The following KBTBD12 variants were observed in gnomAD, a reference collection of about 807,000 sequenced individuals.
KBTBD12 encodes kelch repeat and BTB domain-containing protein 12.
Under a neutral mutation model 58.7 loss-of-function variants are expected in KBTBD12, and 53 were observed. The ratio of observed to expected loss-of-function variants is 0.90; its 90% CI spans 0.72 to 1.14. The LOEUF is 1.14. KBTBD12 is among the 50% of genes most tolerant of loss of function. The pLI is 0.00. For missense variants in KBTBD12, 704 were observed against 751.3 expected (o/e 0.94, Z 0.74); for synonymous variants, 236 against 259.8 (o/e 0.91, Z 0.88).
rs555842663 is a variant in KBTBD12, at chr3:127,977,625, C to T, written c.1691-6472C>T. 8.5e-4 allele frequency among the ~76,000 whole-genome samples: 130 copies of T among 152,116 alleles called. 1 individual carries two copies. The highest frequency in any genetic ancestry group is 1.4e-3 in the Non-Finnish European group (92 of 68,030). ...ATATGCTTGTTGGCCGTGTGTATGT[C>T]TTCTTTTGAAAAGTGTCTGTTCGTG... On this transcript the variant is annotated intron_variant, in intron 5 of 5. Transcript: ENST00000405109.
intron 4 of KBTBD12, among the ~76,000 whole-genome samples, chr3:127,937,281 AAG>A (rs1315539820): frequency 6.6e-6 from 1 of 152,214 alleles, no homozygotes; most frequent in African/African-American, 2.4e-5. Flanking sequence ...AAAGAAATAA[AAG>A]AATAAAATTT....
chr3:127,918,440 C>T (rs570191976), intron 1 of KBTBD12, among the ~76,000 whole-genome samples: 2 of 152,046 alleles, frequency 1.3e-5, no homozygotes, highest in East Asian at 1.9e-4. Context: ...TAGCCAGGCG[C>T]GGTGGCTCAC....
Position 127,923,685 on chromosome 3 carries a change from G to A in KBTBD12, c.624G>A (p.Leu208=). The change falls in exon 2 of 6, where the codon TTG becomes TTA. Residue 208 remains leucine, a synonymous_variant. Transcript: ENST00000405109. ...GATGGGTAAATCATAACAAAGAATT[G>A]CGTACAGTGCATCTTGTTGAGCTTT... ...VLRWVNHNKE[L]RTVHLVELLK... 6.2e-7 allele frequency: 1 copy of A among 1,613,824 alleles called. No individual in the cohort carries two copies. The highest frequency in any genetic ancestry group is 8.5e-7 in the Non-Finnish European group (1 of 1,179,818).
chr3:127,935,401 A>G (rs1939807185), intron 4 of KBTBD12, among the ~76,000 whole-genome samples: 1 of 152,164 alleles, frequency 6.6e-6, no homozygotes, highest in Non-Finnish European at 1.5e-5. Flanking sequence ...AAAATAGAGG[A>G]TGATAAAGTA....
intron 4 of KBTBD12, among the ~76,000 whole-genome samples, chr3:127,956,192 C>T (rs1279226301): frequency 1.3e-5 from 2 of 152,094 alleles, no homozygotes; most frequent in Admixed American, 6.6e-5. Flanking sequence ...GGGTTTTAAA[C>T]CTTTATTATC....
intron 5 of KBTBD12, among the ~76,000 whole-genome samples, chr3:127,968,729 A>G (rs546759048): frequency 2.0e-5 from 3 of 152,276 alleles, no homozygotes; most frequent in African/African-American, 7.2e-5. Flanking sequence ...ACATTTACCT[A>G]TGTAACAAAC....
At chr3:127,930,776 G>A (rs1336775415) in intron 4 of KBTBD12, among the ~76,000 whole-genome samples, 1 of 152,068 alleles carries the variant, frequency 6.6e-6, no homozygotes, top group Non-Finnish European at 1.5e-5. Flanking sequence ...TTTCTTATGT[G>A]TGTCTTGTAC....
chr3:127,955,293 G>T (rs551450558), intron 4 of KBTBD12, among the ~76,000 whole-genome samples: 3 of 152,238 alleles, frequency 2.0e-5, no homozygotes, highest in African/African-American at 7.2e-5. Context: ...AAACCATTTT[G>T]TGCCTCATTG....
intron 5 of KBTBD12, among the ~76,000 whole-genome samples, chr3:127,978,060 C>A (rs1054638064): frequency 6.6e-6 from 1 of 152,146 alleles, no homozygotes; most frequent in African/African-American, 2.4e-5. Context: ...GCCAGCCATC[C>A]CAGCACCATT....
chr3:127,968,504 T>C (rs1428740274), intron 5 of KBTBD12, among the ~76,000 whole-genome samples: 1 of 152,124 alleles, frequency 6.6e-6, no homozygotes, highest in Non-Finnish European at 1.5e-5. Context: ...GATGCAAAAA[T>C]CTAAACAGAA....
intron 4 of KBTBD12, among the ~76,000 whole-genome samples, chr3:127,934,335 A>G (rs1939775432): frequency 6.6e-6 from 1 of 152,160 alleles, no homozygotes; most frequent in Admixed American, 6.6e-5. Context: ...GGGGCTCAGG[A>G]GCACTTTTGA....
Position 127,927,964 on chromosome 3 carries a change from T to A in KBTBD12, c.1271T>A (p.Leu424Gln). Reference protein sequence around the residue: ...DNWKRVSPLPLQLACHAVVTV... With the variant: ...DNWKRVSPLPQQLACHAVVTV... The stretch of plus-strand genomic sequence containing the variant: ...TGGAAAAGGGTGTCTCCCCTTCCAC[T>A]GCAATTGGCATGTCATGCTGTAGTG... The change falls in exon 3 of 6, where the codon CTG (leucine) becomes CAG (glutamine). Residue 424 changes from leucine (L) to glutamine (Q), a missense_variant. Coordinates refer to ENST00000405109, the MANE Select transcript of KBTBD12 (RefSeq NM_207335.4). 1 of 1,613,378 alleles carries A rather than the reference T, an allele frequency of 6.2e-7. No homozygotes were observed. The highest frequency in any genetic ancestry group is 8.5e-7 in the Non-Finnish European group (1 of 1,179,454).
intron 4 of KBTBD12, among the ~76,000 whole-genome samples, chr3:127,961,140 A>G (rs2107608995): frequency 1.3e-5 from 2 of 152,314 alleles, no homozygotes; most frequent in Middle Eastern, 6.8e-3. Context: ...AGACAACTAG[A>G]TCATCTTACT....
At chr3:127,955,470 T>C (rs2195914) in intron 4 of KBTBD12, among the ~76,000 whole-genome samples, 91,251 of 152,084 alleles carry the variant, frequency 0.6, 28,582 homozygotes, top group African/African-American at 0.78. Flanking sequence ...GACCAAGCTT[T>C]ATTGTGGTAA....
chr3:127,930,346 C>CA (rs1485093992), intron 4 of KBTBD12, 63 bp downstream of exon 4: 4 of 1,470,616 alleles, frequency 2.7e-6, no homozygotes, highest in Non-Finnish European at 3.7e-6. Flanking sequence ...TTTGCCTCAG[C>CA]AAAAATGAAA....
intron 4 of KBTBD12, among the ~76,000 whole-genome samples, chr3:127,942,923 AGGGG>A (rs1939988758): frequency 6.6e-6 from 1 of 152,112 alleles, no homozygotes; most frequent in African/African-American, 2.4e-5. Context: ...GACAGATCCC[AGGGG>A]CATGCTGGCT....
In KBTBD12 at chr3:127,984,420, T is replaced by C. The variant is rs929707752; in HGVS notation, c.*142T>C. The C allele has an allele frequency of 5.3e-6, 4 of 754,898 alleles. No individual in the cohort carries two copies. The highest frequency in any genetic ancestry group is 5.3e-5 in the African/African-American group (3 of 56,760). 46.8% of individuals were successfully genotyped at this position (754,898 alleles called of 1,614,324 possible). Reference sequence around the variant, plus strand: ...TGAAGAAGCAGTGTGTGCTGGGCACTGGGTGGGGAGCATGGGGAGTCTCCC... The same window carrying C: ...TGAAGAAGCAGTGTGTGCTGGGCACCGGGTGGGGAGCATGGGGAGTCTCCC... On this transcript the variant is annotated 3_prime_UTR_variant, in exon 6 of 6. Transcript: ENST00000405109.
chr3:127,942,575 C>T (rs1939975782), intron 4 of KBTBD12, among the ~76,000 whole-genome samples: 1 of 150,698 alleles, frequency 6.6e-6, no homozygotes, highest in South Asian at 2.1e-4. Context: ...GTTTCTATAT[C>T]TTGACTATTG....
intron 5 of KBTBD12, 67 bp from the exon 6 acceptor site, chr3:127,984,030 G>A: frequency 7.9e-7 from 1 of 1,273,598 alleles, no homozygotes; most frequent in Non-Finnish European, 1.1e-6. Context: ...TACTCAGTAT[G>A]GTGCTGATGG....
Sources: allele counts gnomAD v4.1 joint callset (sites outside exome capture counted in the v4.1 genomes callset), GRCh38; gene constraint gnomAD v4.1.1; transcripts MANE v1.5; gene names NCBI Gene and HGNC (gene_info 2026-07-23, HGNC 2026-07-21).